MAP3K2: variants seen among roughly 807,000 people sequenced by gnomAD.
MAP3K2 encodes the protein mitogen-activated protein kinase kinase kinase 2.
Under a neutral mutation model 80.3 loss-of-function variants are expected in MAP3K2, and 24 were observed. That is an observed-to-expected ratio of 0.30 (90% CI 0.22 to 0.42). MAP3K2 has a LOEUF of 0.42. Ranked by LOEUF, MAP3K2 falls within the 10% of genes least tolerant of loss-of-function variation. The pLI, the probability that MAP3K2 is intolerant of heterozygous loss-of-function variation, is 1.00. For missense variants in MAP3K2, 608 were observed against 750.1 expected, an observed-to-expected ratio of 0.81 and a Z score of 2.21; for synonymous variants, 244 against 253.7, an observed-to-expected ratio of 0.96 and a Z score of 0.36.
At position 127,301,044 on chromosome 2, in the gene MAP3K2, A is replaced by T. The variant is rs1341454593; in HGVS notation, c.*6535T>A. On this transcript the variant is annotated 3_prime_UTR_variant, in exon 17 of 17. Coordinates refer to ENST00000682094, the MANE Select transcript of MAP3K2 (RefSeq NM_001371910.2). Reference sequence around the variant, plus strand: ...AAAAGTGCTTTTCGGTATGGTCATGAACTTTACTGTTCTCAACTGCATTAA... The same window carrying T: ...AAAAGTGCTTTTCGGTATGGTCATGTACTTTACTGTTCTCAACTGCATTAA... The T allele has an allele frequency of 6.6e-6, 1 of 152,242 alleles. No homozygotes were observed. The highest frequency in any genetic ancestry group is 1.5e-5 in the Non-Finnish European group (1 of 68,038). 9.4% of individuals were successfully genotyped at this position (152,242 alleles called of 1,614,324 possible). A position where few individuals can be genotyped will look rare whatever the true frequency, so the allele number is the denominator to read the frequency against.
Position 127,302,178 on chromosome 2 carries a change from A to G in MAP3K2, c.*5401T>C, listed in dbSNP as rs1336544888. ...TTTCTATTTAAGAATTATATATAAGATTATTTTACATATACACAAATTGAA... is the reference window on the plus strand; with the variant it reads ...TTTCTATTTAAGAATTATATATAAGGTTATTTTACATATACACAAATTGAA... On this transcript the variant is annotated 3_prime_UTR_variant, in exon 17 of 17. Coordinates refer to ENST00000682094, the MANE Select transcript of MAP3K2 (RefSeq NM_001371910.2). 6.6e-6 allele frequency: 1 copy of G among 152,210 alleles called. No individual in the cohort carries two copies. Among genetic ancestry groups the G allele is most frequent in the East Asian group, 1.9e-4 (1 of 5,204 alleles). The allele number at this position is 152,210 out of a possible 1,614,324, so 9.4% of individuals were successfully genotyped here.
rs1162050914 is a variant in MAP3K2, at chr2:127,301,549, G to A, written c.*6030C>T. On this transcript the variant is annotated 3_prime_UTR_variant, in exon 17 of 17. Transcript: ENST00000682094. ...TAACAGTGCTAATTATTTTGGCTATGTGTACAGGGAATATAAAAGCTTTGG... is the reference window on the plus strand; with the variant it reads ...TAACAGTGCTAATTATTTTGGCTATATGTACAGGGAATATAAAAGCTTTGG... 1 of 152,196 alleles carries A rather than the reference G, an allele frequency of 6.6e-6. No homozygotes were observed. The highest frequency in any genetic ancestry group is 2.4e-5 in the African/African-American group (1 of 41,448). 9.4% of individuals were successfully genotyped at this position (152,196 alleles called of 1,614,324 possible).
intron 11 of MAP3K2, 47 bp downstream of exon 11, chr2:127,323,855 G>A (rs1398660836): frequency 1.1e-6 from 1 of 922,452 alleles, no homozygotes; most frequent in African/African-American, 1.7e-5. Flanking sequence ...TATTTTTGTT[G>A]TTGAGATTTT....
intron 7 of MAP3K2, among the ~76,000 whole-genome samples, chr2:127,328,084 G>A (rs1686178803): frequency 6.6e-6 from 1 of 152,110 alleles, no homozygotes; most frequent in African/African-American, 2.4e-5. Flanking sequence ...AGACCAATCT[G>A]GCTAACAGGC....
At chr2:127,359,492 T>C (rs1272111653) in intron 1 of MAP3K2, among the ~76,000 whole-genome samples, 2 of 152,224 alleles carry the variant, frequency 1.3e-5, no homozygotes, top group Non-Finnish European at 2.9e-5. Flanking sequence ...ACATCATACA[T>C]TGCATTGATG....
At chr2:127,324,898 CT>C (rs1686100928) in intron 9 of MAP3K2, among the ~76,000 whole-genome samples, 1 of 152,172 alleles carries the variant, frequency 6.6e-6, no homozygotes, top group Non-Finnish European at 1.5e-5. Flanking sequence ...CTTTATCCTG[CT>C]CATATTCCTG....
chr2:127,340,321 G>C (rs1026028068), intron 2 of MAP3K2, among the ~76,000 whole-genome samples: 1 of 152,140 alleles, frequency 6.6e-6, no homozygotes, highest in African/African-American at 2.4e-5. Flanking sequence ...AGCTCACAAT[G>C]ATCTCAACTG....
In MAP3K2 at chr2:127,305,549, C is replaced by T. The variant is rs1407908880; in HGVS notation, c.*2030G>A. The T allele has an allele frequency of 2.0e-5, 3 of 152,096 alleles. No individual in the cohort carries two copies. Among genetic ancestry groups the T allele is most frequent in the African/African-American group, 7.2e-5 (3 of 41,432 alleles). The allele number at this position is 152,096 out of a possible 1,614,324, so 9.4% of individuals were successfully genotyped here. ...ACCAAGATCTACCTAACTTCAGAAACAAAGTATCGTAAAAGAGTCCCTAAA... is the reference window on the plus strand; with the variant it reads ...ACCAAGATCTACCTAACTTCAGAAATAAAGTATCGTAAAAGAGTCCCTAAA... On this transcript the variant is annotated 3_prime_UTR_variant, in exon 17 of 17. Coordinates refer to ENST00000682094, the MANE Select transcript of MAP3K2 (RefSeq NM_001371910.2).
chr2:127,376,410 A>C (rs1687152638), intron 1 of MAP3K2, among the ~76,000 whole-genome samples: 1 of 152,206 alleles, frequency 6.6e-6, no homozygotes, highest in African/African-American at 2.4e-5. Flanking sequence ...AAATGCCGGC[A>C]GCGCAGGCTT....
chr2:127,343,768 A>G (rs937337544), intron 1 of MAP3K2, among the ~76,000 whole-genome samples: 7 of 152,230 alleles, frequency 4.6e-5, no homozygotes, highest in South Asian at 2.1e-4. Context: ...CCATAATCCC[A>G]GCACTTTGGG....
At chr2:127,309,097 C>G (rs560643558) in intron 15 of MAP3K2, among the ~76,000 whole-genome samples, 1 of 152,244 alleles carries the variant, frequency 6.6e-6, no homozygotes, top group Admixed American at 6.5e-5. Flanking sequence ...ACCAAGAAAG[C>G]CCCCAGTTTC....
At chr2:127,368,024 T>TA (rs368731742) in intron 1 of MAP3K2, among the ~76,000 whole-genome samples, 2 of 152,068 alleles carry the variant, frequency 1.3e-5, no homozygotes, top group African/African-American at 4.8e-5. Flanking sequence ...GTCCCTCATA[T>TA]AAAATGGCAA....
chr2:127,388,295 G>GT, upstream of MAP3K2: 1 of 985,644 alleles, frequency 1.0e-6, no homozygotes, highest in South Asian at 4.7e-5. Flanking sequence ...AGACATCCGA[G>GT]TAGATCCCGT....
At chr2:127,320,087 T>C (rs1220901599) in intron 12 of MAP3K2, among the ~76,000 whole-genome samples, 1 of 152,090 alleles carries the variant, frequency 6.6e-6, no homozygotes, top group East Asian at 1.9e-4. Context: ...CCTTATCCTA[T>C]ACATGATATC....
intron 1 of MAP3K2, among the ~76,000 whole-genome samples, chr2:127,361,367 AT>A (rs890516672): frequency 1.3e-5 from 2 of 151,990 alleles, no homozygotes; most frequent in African/African-American, 4.8e-5. Context: ...TTCTCCCAAC[AT>A]TTTAAGTAAT....
rs566126010 is a variant in MAP3K2, at chr2:127,304,794, C to T, written c.*2785G>A. 1.2e-4 allele frequency: 19 copies of T among 152,500 alleles called. 1 individual carries two copies. In the South Asian group the frequency reaches 2.3e-3, roughly 18 times the overall value. 9.4% of individuals were successfully genotyped at this position (152,500 alleles called of 1,614,324 possible). A position where few individuals can be genotyped will look rare whatever the true frequency, so the allele number is the denominator to read the frequency against. ...ACTTTTGGTCTTCCATACCCTCCAC[C>T]CCCACACCTTCAAGCTTTTTTGTTC... On this transcript the variant is annotated 3_prime_UTR_variant, in exon 17 of 17. Transcript: ENST00000682094.
In MAP3K2 at chr2:127,308,668, T is replaced by G; in HGVS notation, c.1551A>C (p.Gly517=). ...RLQTICLSGT[G]MKSVTGTPYW... is the part of the protein sequence containing the mutation. Reference sequence around the variant, plus strand: ...ATGGTGTGCCCGTGACAGACTTCATTCCTGTCCCTGAGAGACAGATGGTCT... The same window carrying G: ...ATGGTGTGCCCGTGACAGACTTCATGCCTGTCCCTGAGAGACAGATGGTCT... The change falls in exon 16 of 17, where the codon GGA becomes GGC. Residue 517 remains glycine, a synonymous_variant. Transcript: ENST00000682094. 6.2e-7 allele frequency: 1 copy of G among 1,613,956 alleles called. No homozygotes were observed. Among genetic ancestry groups the G allele is most frequent in the South Asian group, 1.1e-5 (1 of 91,076 alleles).
At chr2:127,345,746 A>T (rs547040262) in intron 1 of MAP3K2, among the ~76,000 whole-genome samples, 1 of 152,358 alleles carries the variant, frequency 6.6e-6, no homozygotes, top group East Asian at 1.9e-4. Context: ...CAAATATGTG[A>T]AAATTAAAAA....
chr2:127,329,864 G>T, intron 7 of MAP3K2, 57 bp downstream of exon 7: 1 of 963,752 alleles, frequency 1.0e-6, no homozygotes, highest in Non-Finnish European at 1.7e-6. Flanking sequence ...CTACATTAAA[G>T]GATGGAGAAG....
Sources: allele counts gnomAD v4.1 joint callset (sites outside exome capture counted in the v4.1 genomes callset), GRCh38; gene constraint gnomAD v4.1.1; transcripts MANE v1.5; gene names NCBI Gene and HGNC (gene_info 2026-07-23, HGNC 2026-07-21).